The following TNXB variants were observed in gnomAD, a reference collection of about 807,000 sequenced individuals.
TNXB encodes the protein tenascin-X.
A neutral mutation model predicts 340.5 loss-of-function variants in TNXB; 183 were observed. The observed-to-expected ratio is 0.54, with a 90% CI of 0.48 to 0.61. The LOEUF is 0.61. TNXB is among the 20% of genes least tolerant of loss of function. The probability of loss-of-function intolerance (pLI) is 0.00; values close to 1 mark genes in which losing one functional copy is unlikely to be tolerated. For synonymous variants in TNXB, 2,121 were observed against 2,314.5 expected, an observed-to-expected ratio of 0.92 and a Z score of 2.40; for missense variants, 4,613 against 5,446.4, an observed-to-expected ratio of 0.85 and a Z score of 4.82.
At chr6:32,088,599 G>A (rs1779924486) in intron 6 of TNXB, among the ~76,000 whole-genome samples, 186 bp downstream of exon 6, 1 of 152,112 alleles carries the variant, frequency 6.6e-6, no homozygotes, top group African/African-American at 2.4e-5. Flanking sequence ...AGGACTCCAG[G>A]CATCTGAGGG....
intron 6 of TNXB, among the ~76,000 whole-genome samples, chr6:32,088,029 A>G (rs1042910699): frequency 6.6e-6 from 1 of 152,142 alleles, no homozygotes; most frequent in Non-Finnish European, 1.5e-5. Flanking sequence ...GGTCAGTGGC[A>G]GCTCCCTCCC....
intron 1 of TNXB, among the ~76,000 whole-genome samples, chr6:32,105,381 AT>A (rs375790121): frequency 6.6e-6 from 1 of 152,092 alleles, no homozygotes; most frequent in Non-Finnish European, 1.5e-5. Context: ...ATAAACAAAT[AT>A]TTTTTTGAAG....
rs1434026517 is a variant in TNXB at position 32,097,611 on chromosome 6, G to A, written c.404-162C>T. The A allele has an allele frequency of 1.1e-5, 12 of 1,102,668 alleles. No homozygotes were observed. The highest frequency in any genetic ancestry group is 1.5e-5 in the Non-Finnish European group (12 of 795,252). The allele number at this position is 1,102,668 out of a possible 1,614,324, so 68.3% of individuals were successfully genotyped here. Reference sequence around the variant, plus strand: ...TGTGTAATGTATGCAGCCTCTCAGGGCCCTCGCATATGCTTTGGTTGACAT... The same window carrying A: ...TGTGTAATGTATGCAGCCTCTCAGGACCCTCGCATATGCTTTGGTTGACAT... On this transcript the variant is annotated intron_variant, in intron 2 of 43. Transcript: ENST00000644971. The surrounding 1 kb of genome is among the most constrained non-coding windows in gnomAD (Gnocchi z 5.9).
chr6:32,097,925 C>T lies in TNXB; in HGVS notation c.274G>A (p.Glu92Lys), dbSNP rs766329025. Residue 92 changes from glutamate (E) to lysine (K), a missense_variant, in exon 2 of 44, where the codon GAG becomes AAG. Coordinates refer to ENST00000644971, the MANE Select transcript of TNXB (RefSeq NM_001365276.2). This position sits in a 1 kb window ranked among gnomAD's most constrained non-coding sequence, Gnocchi z 5.9. ...ACCTCTGAAGCAAGGACTGGGGGCT[C>T]GGTGCCTGGGGGACAGCCACAGCCA... Reference protein sequence around the residue: ...STGCGCPPGTEPPVLASEVQA... With the variant: ...STGCGCPPGTKPPVLASEVQA... The T allele has an allele frequency of 8.8e-6, 14 of 1,590,384 alleles. No individual in the cohort carries two copies. The highest frequency in any genetic ancestry group is 7.9e-5 in the South Asian group (7 of 88,982).
In TNXB at chr6:32,048,650, G is replaced by A. The variant is rs373443964; in HGVS notation, c.9758C>T (p.Ala3253Val). The stretch of plus-strand genomic sequence containing the variant: ...CACCGGCAGTGGTGTGGGCAGGGGC[G>A]CTGAAAAGAGCAGAGCAGGCCCATG... Reference protein sequence around the residue: ...VGPVSTVGITAPLPTPLPVEP... With the variant: ...VGPVSTVGITVPLPTPLPVEP... Residue 3253 changes from alanine to valine, a missense_variant and splice_region_variant, in exon 29 of 44, where the codon GCG becomes GTG. Physicochemically the swap from Ala to Val is moderately conservative, Grantham distance 64. Transcript: ENST00000644971. The A allele has an allele frequency of 8.9e-6, 13 of 1,464,808 alleles. No individual in the cohort carries two copies. The highest frequency in any genetic ancestry group is 2.0e-4 in the Middle Eastern group (1 of 4,896). The allele number at this position is 1,464,808 out of a possible 1,614,324, so 90.7% of individuals were successfully genotyped here.
rs1186139113 is a variant in TNXB, at chr6:32,046,281, G to T, written c.10500C>A (p.Arg3500=). Residue 3500 remains arginine (R), a synonymous_variant, in exon 31 of 44, where the codon CGC becomes CGA. Transcript: ENST00000644971. The surrounding 1 kb of genome is among the most constrained non-coding windows in gnomAD (Gnocchi z 6.9). ...PRAVPVAADQ[R]TVTVEDLEPG... Reference sequence around the variant, plus strand: ...GCTCCAGGTCCTCTACGGTGACTGTGCGCTGGTCTGCGGCCACAGGCACTG... The same window carrying T: ...GCTCCAGGTCCTCTACGGTGACTGTTCGCTGGTCTGCGGCCACAGGCACTG... 7 of 1,606,708 alleles carry T rather than the reference G, an allele frequency of 4.4e-6. No individual in the cohort carries two copies. Among genetic ancestry groups the T allele is most frequent in the Non-Finnish European group, 5.9e-6 (7 of 1,178,198 alleles).
chr6:32,081,249 A>C lies in TNXB; in HGVS notation c.4042+119T>G. 1.0e-6 allele frequency: 1 copy of C among 1,003,102 alleles called. No homozygotes were observed. The highest frequency in any genetic ancestry group is 3.2e-4 in the Middle Eastern group (1 of 3,152). 62.1% of individuals were successfully genotyped at this position (1,003,102 alleles called of 1,614,324 possible). ...GAGCAGTGCGGGAGGAAGTGGGTGG[A>C]GGCTTTGGCAAAATGAGCTGAGAAG... On this transcript the variant is annotated intron_variant, in intron 10 of 43. Coordinates refer to ENST00000644971, the MANE Select transcript of TNXB (RefSeq NM_001365276.2). The surrounding 1 kb of genome is among the most constrained non-coding windows in gnomAD (Gnocchi z 5.1).
Position 32,049,259 on chromosome 6 carries a change from C to T in TNXB, c.9757+11G>A. The T allele has an allele frequency of 1.2e-6, 2 of 1,605,470 alleles. No homozygotes were observed. The highest frequency in any genetic ancestry group is 1.7e-6 in the Non-Finnish European group (2 of 1,175,020). On this transcript the variant is annotated intron_variant, in intron 28 of 43. Transcript: ENST00000644971. The surrounding 1 kb of genome is among the most constrained non-coding windows in gnomAD (Gnocchi z 4.5). ...GTAAACCTGGGGACGAGGGCCTGTC[C>T]CCCCACTCACCCGTGATGCCCACGG...
Position 32,042,941 on chromosome 6 carries a change from G to A in TNXB, c.11925+10C>T. 5.7e-6 allele frequency: 2 copies of A among 349,894 alleles called. No individual in the cohort carries two copies. The highest frequency in any genetic ancestry group is 9.7e-6 in the Non-Finnish European group (2 of 205,232). The allele number at this position is 349,894 out of a possible 1,614,324, so 21.7% of individuals were successfully genotyped here. On this transcript the variant is annotated intron_variant, in intron 38 of 43. Coordinates refer to ENST00000644971, the MANE Select transcript of TNXB (RefSeq NM_001365276.2). ...CAGGGAGGGGAGTTGGGTCAGTGGG[G>A]CCGGGGCACCTGGTTCTGTCCACCA... is the stretch of plus-strand genomic sequence containing the variant.
rs1229846796 is a variant in TNXB at position 32,074,740 on chromosome 6, G to T, written c.4376-788C>A. Among the ~76,000 whole-genome samples, 1 of 152,088 alleles carries T rather than the reference G, an allele frequency of 6.6e-6. No individual in the cohort carries two copies. Among genetic ancestry groups the T allele is most frequent in the Non-Finnish European group, 1.5e-5 (1 of 68,018 alleles). ...TTGTTGCTCAGGCTGGTGTGCGATG[G>T]CGCCCTCTCGGCTCACCGCAACCTA... On this transcript the variant is annotated intron_variant, in intron 11 of 43. Transcript: ENST00000644971. The surrounding 1 kb of genome is among the most constrained non-coding windows in gnomAD (Gnocchi z 5.5).
rs936289560 is a variant in TNXB at position 32,100,972 on chromosome 6, C to T, written c.-8-2766G>A. ...GCGGGCACCTGTAGTCCCAGCTACT[C>T]GGGAGGCTGAGGAGGAGAATCGCTT... On this transcript the variant is annotated intron_variant, in intron 1 of 43. Transcript: ENST00000644971. Among the ~76,000 whole-genome samples the T allele has an allele frequency of 2.2e-4, 31 of 143,906 alleles. 1 individual carries two copies. The East Asian group carries it at 6.2e-3, about 29-fold the overall frequency. 94.4% of individuals were successfully genotyped at this position (143,906 alleles called of 152,430 possible). A position where few individuals can be genotyped will look rare whatever the true frequency, so the allele number is the denominator to read the frequency against.
chr6:32,071,437 C>T (rs988703905), intron 13 of TNXB, among the ~76,000 whole-genome samples: 16 of 152,070 alleles, frequency 1.1e-4, no homozygotes, highest in Non-Finnish European at 1.9e-4. Context: ...CCACATCCAC[C>T]CTGCAGGAAG....
chr6:32,043,607 G>T (rs374727379), intron 35 of TNXB, 51 bp from the exon 36 acceptor site: 16 of 1,292,580 alleles, frequency 1.2e-5, no homozygotes, highest in Non-Finnish European at 1.7e-5. Context: ...TCTCTACTCC[G>T]TGCCTCCCCA....
rs554233409 is a variant in TNXB at position 32,085,189 on chromosome 6, G to T, written c.3149-480C>A. 1.6e-4 allele frequency among the ~76,000 whole-genome samples: 25 copies of T among 152,218 alleles called. 1 individual carries two copies. In the South Asian group the frequency reaches 2.3e-3, roughly 14 times the overall value. On this transcript the variant is annotated intron_variant, in intron 7 of 43. Coordinates refer to ENST00000644971, the MANE Select transcript of TNXB (RefSeq NM_001365276.2). This position sits in a 1 kb window ranked among gnomAD's most constrained non-coding sequence, Gnocchi z 6.4. ...GGTACCCCAGGACCTGTCTTTCACT[G>T]GTCCTGCAAACCTCATCCATGTCTG...
At position 32,081,907 on chromosome 6, in the gene TNXB, G is replaced by A. The variant is rs546724384; in HGVS notation, c.3736+129C>T. ...TGCGGGGGAGTCTGGCTGCCCCTCA[G>A]CCCTGGAGTGGGGCCGGGAAGCTGG... is the stretch of plus-strand genomic sequence containing the variant. On this transcript the variant is annotated intron_variant, in intron 9 of 43. Coordinates refer to ENST00000644971, the MANE Select transcript of TNXB (RefSeq NM_001365276.2). This position sits in a 1 kb window ranked among gnomAD's most constrained non-coding sequence, Gnocchi z 5.1. The A allele has an allele frequency of 2.1e-6, 2 of 952,546 alleles. No homozygotes were observed. The highest frequency in any genetic ancestry group is 3.2e-5 in the African/African-American group (2 of 61,904). 59.0% of individuals were successfully genotyped at this position (952,546 alleles called of 1,614,324 possible).
In TNXB at chr6:32,090,022, C is replaced by A. The variant is rs1780007039; in HGVS notation, c.2359-643G>T. On this transcript the variant is annotated intron_variant, in intron 4 of 43. Transcript: ENST00000644971. The surrounding 1 kb of genome is among the most constrained non-coding windows in gnomAD (Gnocchi z 4.3). ...TCATGGCTGTGTAACAGGAGTGGGA[C>A]CCGCATCACAACCTTTCCCTTGAGG... Among the ~76,000 whole-genome samples, 1 of 152,218 alleles carries A rather than the reference C, an allele frequency of 6.6e-6. No individual in the cohort carries two copies. The highest frequency in any genetic ancestry group is 2.1e-4 in the South Asian group (1 of 4,828).
At chr6:32,105,327 A>G (rs1224473048) in intron 1 of TNXB, among the ~76,000 whole-genome samples, 3 of 152,184 alleles carry the variant, frequency 2.0e-5, no homozygotes, top group Non-Finnish European at 4.4e-5. Context: ...TCACAGCATC[A>G]TGCCATTCTC....
chr6:32,043,669 C>T, intron 35 of TNXB, 80 bp downstream of exon 35: 3 of 1,606,772 alleles, frequency 1.9e-6, no homozygotes, highest in Non-Finnish European at 2.6e-6. Flanking sequence ...CTCCCTTTCA[C>T]CCTCCTCGTT....
chr6:32,050,360 T>C (rs560471655), intron 26 of TNXB, 39 bp from the exon 27 acceptor site: 286 of 1,601,292 alleles, frequency 1.8e-4, no homozygotes, highest in Non-Finnish European at 1.9e-4. Context: ...GACCCTGGGT[T>C]CTCAGTTCAG....
Sources: gnomAD v4.1 joint callset for allele counts (sites outside exome capture counted in the v4.1 genomes callset) on GRCh38, gnomAD v4.1.1 for gene constraint, Gnocchi (gnomAD v3.1) non-coding constraint, MANE v1.5 for transcripts, NCBI Gene and HGNC (gene_info 2026-07-23, HGNC 2026-07-21) for gene names.